The following WASHC5 variants were observed in gnomAD, a reference collection of about 807,000 sequenced individuals.
WASHC5 encodes the protein WASH complex subunit strumpellin.
Under a neutral mutation model 150.4 loss-of-function variants are expected in WASHC5, and 101 were observed. That is an observed-to-expected ratio of 0.67 (90% CI 0.57 to 0.79). The LOEUF is 0.79. Ranked by LOEUF, WASHC5 falls within the 30% of genes least tolerant of loss-of-function variation. The pLI, the probability that WASHC5 is intolerant of heterozygous loss-of-function variation, is 0.00. For missense variants in WASHC5, 1,195 were observed against 1,396.3 expected, an observed-to-expected ratio of 0.86 and a Z score of 2.30; for synonymous variants, 467 against 491.2, an observed-to-expected ratio of 0.95 and a Z score of 0.65.
chr8:125,050,193 T>G (rs1313888561), intron 18 of WASHC5, among the ~76,000 whole-genome samples: 1 of 151,998 alleles, frequency 6.6e-6, no homozygotes, highest in Non-Finnish European at 1.5e-5. Flanking sequence ...TAAAGCAAAA[T>G]AAAAAATTAT....
chr8:125,050,851 A>G (rs1416366050), intron 17 of WASHC5, among the ~76,000 whole-genome samples, 186 bp from the exon 18 acceptor site: 2 of 152,134 alleles, frequency 1.3e-5, no homozygotes, highest in African/African-American at 4.8e-5. Flanking sequence ...TAAACCTGTC[A>G]CCTTTTTAGG....
intron 5 of WASHC5, among the ~76,000 whole-genome samples, chr8:125,079,534 A>G (rs28507055): frequency 0.025 from 3,789 of 152,170 alleles, 150 homozygotes; most frequent in African/African-American, 0.087. Context: ...ATGGGTATTC[A>G]TACTATGTAA....
At chr8:125,039,956 G>T in intron 23 of WASHC5, 58 bp from the exon 24 acceptor site, 1 of 1,127,902 alleles carries the variant, frequency 8.9e-7, no homozygotes, top group South Asian at 1.3e-5. Flanking sequence ...GAGTGACAGT[G>T]AGGAGGTAAA....
chr8:125,043,939 A>C, intron 22 of WASHC5, 35 bp from the exon 23 acceptor site: 1 of 1,585,708 alleles, frequency 6.3e-7, no homozygotes, highest in Non-Finnish European at 8.6e-7. Flanking sequence ...TCTTTAGTAC[A>C]TTCGTAAAGG....
intron 6 of WASHC5, among the ~76,000 whole-genome samples, chr8:125,078,118 A>C (rs920391363): frequency 5.9e-5 from 9 of 152,228 alleles, no homozygotes; most frequent in African/African-American, 2.2e-4. Flanking sequence ...AGAAGAATGA[A>C]GTCAAATGGT....
chr8:125,056,049 G>T (rs1214089870), intron 16 of WASHC5, among the ~76,000 whole-genome samples: 1 of 152,176 alleles, frequency 6.6e-6, no homozygotes, highest in Non-Finnish European at 1.5e-5. Flanking sequence ...TGATAAGGTA[G>T]GCAGGTGCTA....
At position 125,065,269 on chromosome 8, in the gene WASHC5, C is replaced by T. The variant is rs551657070; in HGVS notation, c.1279-1618G>A. Among the ~76,000 whole-genome samples, 7 of 152,260 alleles carry T rather than the reference C, an allele frequency of 4.6e-5. No homozygotes were observed. In the South Asian group the frequency reaches 1.2e-3, roughly 27 times the overall value. ...ACAGAGGAAGCACAGGTTAAAGAAC[C>T]CAGCTGAAATGTCAGAAATTCAAAT... On this transcript the variant is annotated intron_variant, in intron 10 of 28. Coordinates refer to ENST00000318410, the MANE Select transcript of WASHC5 (RefSeq NM_014846.4).
chr8:125,081,667 CG>C lies in WASHC5; in HGVS notation c.511del (p.Arg171AspfsTer59), dbSNP rs779263139. ...AGTCCTAGCCCAGGAATACCTGTAT[CG>C]GTAGTAAGAAACCAGCATCCTCTCT... The part of the protein sequence containing the change: ...VRERMLVSYY[R>X]YSAARSSADS... On this transcript the variant is annotated frameshift_variant, in exon 5 of 29. Coordinates refer to ENST00000318410, the MANE Select transcript of WASHC5 (RefSeq NM_014846.4). LOFTEE classifies it high-confidence loss of function. 9 of 1,593,640 alleles carry C rather than the reference CG, an allele frequency of 5.6e-6. No homozygotes were observed. The South Asian group carries it at 9.9e-5, about 18-fold the overall frequency.
chr8:125,047,629 G>A (rs1816109560), intron 19 of WASHC5, among the ~76,000 whole-genome samples: 1 of 152,000 alleles, frequency 6.6e-6, no homozygotes, highest in Non-Finnish European at 1.5e-5. Flanking sequence ...GTAGAGATGG[G>A]GTTTCACCAT....
intron 15 of WASHC5, 89 bp downstream of exon 15, chr8:125,057,467 A>G: frequency 1.2e-6 from 1 of 860,094 alleles, no homozygotes; most frequent in South Asian, 1.4e-5. Context: ...AGAGACACGG[A>G]TATACTTTTG....
chr8:125,076,288 GA>G, intron 7 of WASHC5, 59 bp downstream of exon 7: 1 of 1,525,518 alleles, frequency 6.6e-7, no homozygotes, highest in Non-Finnish European at 9.1e-7. Flanking sequence ...AAGGCCAAAA[GA>G]ATGGGAAGTT....
At chr8:125,065,789 G>C (rs569967106) in intron 10 of WASHC5, among the ~76,000 whole-genome samples, 2 of 152,098 alleles carry the variant, frequency 1.3e-5, no homozygotes, top group African/African-American at 4.8e-5. Context: ...GCTAATTTTT[G>C]TATTTTTAGT....
chr8:125,039,933 T>C (rs1035322793), intron 23 of WASHC5, 35 bp from the exon 24 acceptor site: 3 of 1,391,028 alleles, frequency 2.2e-6, no homozygotes, highest in Non-Finnish European at 2.0e-6. Context: ...AGGTAGTGCA[T>C]TCAAGCATTT....
intron 1 of WASHC5, among the ~76,000 whole-genome samples, chr8:125,085,387 T>C (rs572782883): frequency 6.6e-6 from 1 of 152,248 alleles, no homozygotes; most frequent in South Asian, 2.1e-4. Context: ...TTTTCCATGG[T>C]AAATGACTTA....
chr8:125,044,740 T>C (rs1816008563), intron 20 of WASHC5, 42 bp from the exon 21 acceptor site: 1 of 1,600,486 alleles, frequency 6.2e-7, no homozygotes, highest in African/African-American at 1.3e-5. Flanking sequence ...TGGCTCAGAA[T>C]TCATCCTTAA....
At chr8:125,056,121 A>G (rs1234776279) in intron 16 of WASHC5, among the ~76,000 whole-genome samples, 3 of 152,232 alleles carry the variant, frequency 2.0e-5, no homozygotes, top group Admixed American at 6.5e-5. Context: ...AGTCCCTGAC[A>G]TATTTCTTGG....
At chr8:125,056,004 C>T (rs4421364) in intron 16 of WASHC5, among the ~76,000 whole-genome samples, 16,604 of 152,108 alleles carry the variant, frequency 0.11, 2,122 homozygotes, top group African/African-American at 0.31. Flanking sequence ...CCTTCCCTGG[C>T]CTCCCCATTA....
rs377039912 is a variant in WASHC5, at chr8:125,050,558, G to A, written c.2199+6C>T. ...AGAGGACAGGCCCACTCTGGTCACTGGGTACCTTGGCTCGAGGGTTGAATA... is the reference window on the plus strand; with the variant it reads ...AGAGGACAGGCCCACTCTGGTCACTAGGTACCTTGGCTCGAGGGTTGAATA... On this transcript the variant is annotated splice_donor_region_variant and intron_variant, in intron 18 of 28. Transcript: ENST00000318410. 11 of 1,609,030 alleles carry A rather than the reference G, an allele frequency of 6.8e-6. No individual in the cohort carries two copies. In the African/African-American group the frequency reaches 1.1e-4, roughly 16 times the overall value.
intron 5 of WASHC5, among the ~76,000 whole-genome samples, chr8:125,079,672 G>T (rs1817191473): frequency 6.6e-6 from 1 of 152,074 alleles, no homozygotes; most frequent in South Asian, 2.1e-4. Context: ...GGTCTGAATT[G>T]GCATCTCATG....
Sources: allele counts gnomAD v4.1 joint callset (sites outside exome capture counted in the v4.1 genomes callset), GRCh38; gene constraint gnomAD v4.1.1; transcripts MANE v1.5; gene names NCBI Gene and HGNC (gene_info 2026-07-23, HGNC 2026-07-21).